OCA2: variants seen among roughly 807,000 people sequenced by gnomAD.
The protein encoded by OCA2 is P protein.
Under a neutral mutation model 100.2 loss-of-function variants are expected in OCA2, and 77 were observed. The ratio of observed to expected loss-of-function variants is 0.77; its 90% CI spans 0.64 to 0.93. The LOEUF is 0.93. OCA2 is among the 40% of genes least tolerant of loss of function. The probability of loss-of-function intolerance (pLI) is 0.00; values close to 1 mark genes in which losing one functional copy is unlikely to be tolerated. For synonymous variants in OCA2, 432 were observed against 439.2 expected (o/e 0.98, Z 0.21); for missense variants, 1,062 against 1,089.1 (o/e 0.98, Z 0.35).
intron 6 of OCA2, among the ~76,000 whole-genome samples, chr15:28,021,818 G>A (rs1566808487): frequency 6.6e-6 from 1 of 152,210 alleles, no homozygotes; most frequent in Non-Finnish European, 1.5e-5. Flanking sequence ...AGGGGAAAAA[G>A]TAGCTCTTAC....
chr15:28,026,626 C>T (rs1240757620), intron 4 of OCA2, among the ~76,000 whole-genome samples: 1 of 152,152 alleles, frequency 6.6e-6, no homozygotes, highest in Non-Finnish European at 1.5e-5. Flanking sequence ...TCAGTGTGGC[C>T]TTGGGCAAAA....
At chr15:28,002,845 C>T (rs1437012046) in intron 9 of OCA2, among the ~76,000 whole-genome samples, 1 of 152,166 alleles carries the variant, frequency 6.6e-6, no homozygotes, top group Non-Finnish European at 1.5e-5. Flanking sequence ...CCTTGGACAC[C>T]GTGTGACCCA....
chr15:27,933,980 A>G (rs906780049), intron 18 of OCA2, among the ~76,000 whole-genome samples: 1 of 152,200 alleles, frequency 6.6e-6, no homozygotes, highest in Non-Finnish European at 1.5e-5. Context: ...TTTGATATAT[A>G]CATAACACAT....
chr15:27,872,763 C>G (rs2036633900), intron 19 of OCA2, among the ~76,000 whole-genome samples: 1 of 149,682 alleles, frequency 6.7e-6, no homozygotes, highest in African/African-American at 2.5e-5. Flanking sequence ...GATCTCGGTT[C>G]ACTGCAACCT....
chr15:27,876,760 C>T (rs1017446744), intron 19 of OCA2, among the ~76,000 whole-genome samples: 6 of 150,802 alleles, frequency 4.0e-5, no homozygotes, highest in Non-Finnish European at 7.4e-5. Flanking sequence ...TTTTTTAATT[C>T]CTGTAGGGTT....
intron 15 of OCA2, among the ~76,000 whole-genome samples, chr15:27,960,657 C>T (rs777795963): frequency 2.0e-5 from 3 of 152,128 alleles, no homozygotes; most frequent in Non-Finnish European, 2.9e-5. Context: ...AATCCTAGCA[C>T]TTTGGGAGGC....
intron 23 of OCA2, among the ~76,000 whole-genome samples, chr15:27,799,614 G>A (rs1306555757): frequency 2.6e-5 from 4 of 152,064 alleles, no homozygotes; most frequent in African/African-American, 7.2e-5. Flanking sequence ...GCGTGGTGGT[G>A]CATGCCTGTA....
chr15:27,995,810 AC>A (rs1286899306), intron 9 of OCA2, among the ~76,000 whole-genome samples: 1 of 149,586 alleles, frequency 6.7e-6, no homozygotes, highest in African/African-American at 2.5e-5. Context: ...AAATTAAGCA[AC>A]ACTTTTTTTT....
intron 2 of OCA2, among the ~76,000 whole-genome samples, chr15:28,050,574 A>G (rs1327634435): frequency 6.6e-6 from 1 of 151,862 alleles, no homozygotes; most frequent in African/African-American, 2.4e-5. Flanking sequence ...AAAGAAAAAA[A>G]AAAAAAAAAA....
intron 23 of OCA2, among the ~76,000 whole-genome samples, chr15:27,759,422 T>A (rs1374002672): frequency 9.2e-5 from 14 of 152,186 alleles, no homozygotes; most frequent in Admixed American, 3.3e-4. Flanking sequence ...CTTGAGTTTT[T>A]AAATTATGTT....
chr15:28,094,698 A>C (rs1595939758), intron 1 of OCA2, among the ~76,000 whole-genome samples: 1 of 151,832 alleles, frequency 6.6e-6, no homozygotes, highest in Admixed American at 6.5e-5. Context: ...GTGCCCCCGA[A>C]CTCGGGCCCT....
chr15:28,081,646 A>T lies in OCA2; in HGVS notation c.227+2T>A. On this transcript the variant is annotated splice_donor_variant, in intron 2 of 23. Transcript: ENST00000354638. LOFTEE classifies it high-confidence loss of function. Reference sequence around the variant, plus strand: ...TACAAGATGGCACTATTTTAAACTCACCTCCCTTTTGTGAGGAATGAAGCA... The same window carrying T: ...TACAAGATGGCACTATTTTAAACTCTCCTCCCTTTTGTGAGGAATGAAGCA... The T allele has an allele frequency of 1.9e-6, 3 of 1,612,574 alleles. No individual in the cohort carries two copies. The highest frequency in any genetic ancestry group is 2.5e-6 in the Non-Finnish European group (3 of 1,179,406).
chr15:27,842,628 C>G lies in OCA2; in HGVS notation c.2432+2331G>C, dbSNP rs114295043. On this transcript the variant is annotated intron_variant, in intron 23 of 23. Transcript: ENST00000354638. ...AGAAGGATGGTCAGAGCTGGAAGAA[C>G]TGGAACCAGGCAAAAACAAGGAAGG... is the stretch of plus-strand genomic sequence containing the variant. Among the ~76,000 whole-genome samples the G allele has an allele frequency of 3.3e-3, 495 of 152,302 alleles. 2 individuals are homozygous for G. Among genetic ancestry groups the G allele is most frequent in the African/African-American group, 0.011 (478 of 41,566 alleles).
intron 21 of OCA2, among the ~76,000 whole-genome samples, chr15:27,868,747 G>C (rs899168833): frequency 6.6e-6 from 1 of 152,186 alleles, no homozygotes; most frequent in African/African-American, 2.4e-5. Flanking sequence ...ATACACATAA[G>C]CACATGTATG....
At position 28,026,238 on chromosome 15, in the gene OCA2, T is replaced by C. The variant is rs181485350; in HGVS notation, c.516-1336A>G. Among the ~76,000 whole-genome samples the C allele has an allele frequency of 4.6e-5, 7 of 152,340 alleles. No individual in the cohort carries two copies. The East Asian group carries it at 1.3e-3, about 29-fold the overall frequency. ...TCAAAGGCAAATATTCCATGAATCA[T>C]AGAAGATAAAACAAGTACTGAATGC... On this transcript the variant is annotated intron_variant, in intron 4 of 23. Transcript: ENST00000354638.
intron 21 of OCA2, among the ~76,000 whole-genome samples, chr15:27,859,735 CA>C: frequency 6.6e-6 from 1 of 152,116 alleles, no homozygotes; most frequent in Admixed American, 6.5e-5. Context: ...AACTACAGAT[CA>C]ATGTTCCTGA....
At chr15:27,820,274 C>A (rs1438798257) in intron 23 of OCA2, among the ~76,000 whole-genome samples, 3 of 152,330 alleles carry the variant, frequency 2.0e-5, no homozygotes, top group South Asian at 2.1e-4. Flanking sequence ...TTGCTCGTGG[C>A]AACTTCCCTC....
At chr15:27,965,103 G>A (rs370156370) in intron 15 of OCA2, among the ~76,000 whole-genome samples, 33 of 152,254 alleles carry the variant, frequency 2.2e-4, no homozygotes, top group African/African-American at 7.9e-4. Context: ...AGGTCACTGT[G>A]ATCACCAGGG....
chr15:27,899,229 T>C (rs774738092), intron 19 of OCA2, among the ~76,000 whole-genome samples: 13 of 152,210 alleles, frequency 8.5e-5, no homozygotes, highest in Non-Finnish European at 1.9e-4. Context: ...CCCTCTCTAA[T>C]AGACTGAGTT....
Sources: gnomAD v4.1 joint callset for allele counts (sites outside exome capture counted in the v4.1 genomes callset) on GRCh38, gnomAD v4.1.1 for gene constraint, MANE v1.5 for transcripts, NCBI Gene and HGNC (gene_info 2026-07-23, HGNC 2026-07-21) for gene names.